ADAMTS19: variants seen among roughly 807,000 people sequenced by gnomAD.
ADAMTS19 encodes the protein A disintegrin and metalloproteinase with thrombospondin motifs 19.
ADAMTS19 carries 93 observed loss-of-function variants against 153.3 expected under a neutral mutation model. The ratio of observed to expected loss-of-function variants is 0.61; its 90% CI spans 0.51 to 0.72. The LOEUF is 0.72. Among genes scored for constraint, ADAMTS19 ranks in the 30% least tolerant of loss-of-function variants. ADAMTS19 has a pLI of 0.00. For synonymous variants in ADAMTS19, 600 were observed against 556.6 expected, an observed-to-expected ratio of 1.08 and a Z score of -1.10; for missense variants, 1,482 against 1,552.1, an observed-to-expected ratio of 0.95 and a Z score of 0.76.
chr5:129,496,926 T>C (rs2126702029), intron 2 of ADAMTS19, among the ~76,000 whole-genome samples: 1 of 152,224 alleles, frequency 6.6e-6, no homozygotes, highest in Admixed American at 6.6e-5. Context: ...ATATGGAACA[T>C]GTAAAATTTT....
At chr5:129,683,082 G>A in intron 17 of ADAMTS19, among the ~76,000 whole-genome samples, 1 of 151,624 alleles carries the variant, frequency 6.6e-6, no homozygotes, top group East Asian at 1.9e-4. Flanking sequence ...GTTTTTTAAT[G>A]TATCATATTA....
At chr5:129,730,226 T>G (rs1344581271) in intron 21 of ADAMTS19, among the ~76,000 whole-genome samples, 1 of 152,072 alleles carries the variant, frequency 6.6e-6, no homozygotes, top group African/African-American at 2.4e-5. Context: ...AGCTGGAAAT[T>G]ATAATAAAGC....
At chr5:129,641,771 T>C (rs1302195464) in intron 10 of ADAMTS19, 88 bp from the exon 11 acceptor site, 4 of 700,848 alleles carry the variant, frequency 5.7e-6, no homozygotes, top group Non-Finnish European at 9.1e-6. Flanking sequence ...TTTGTTATTC[T>C]ATCAAAATAG....
chr5:129,694,833 A>C lies in ADAMTS19; in HGVS notation c.2932A>C (p.Asn978His), dbSNP rs147606691. 14 of 1,592,560 alleles carry C rather than the reference A, an allele frequency of 8.8e-6. No individual in the cohort carries two copies. In the East Asian group the frequency reaches 3.0e-4, roughly 34 times the overall value. Residue 978 changes from asparagine (N) to histidine (H), a missense_variant, in exon 19 of 23, where the codon AAT (asparagine) becomes CAT (histidine). Physicochemically the swap from Asn to His is moderately conservative, Grantham distance 68. This residue lies in a region of ADAMTS19 where 616 missense variants were observed against 724.4 expected (regional missense o/e 0.85). Coordinates refer to ENST00000274487, the MANE Select transcript of ADAMTS19 (RefSeq NM_133638.6). Reference sequence around the variant, plus strand: ...GCCAGAGCCACAGATTCGAAAGTGCAATGAGCAACCATGTCAAACAAGGTA... The same window carrying C: ...GCCAGAGCCACAGATTCGAAAGTGCCATGAGCAACCATGTCAAACAAGGTA... ...TKPEPQIRKC[N>H]EQPCQTRWMM...
At chr5:129,626,051 T>A (rs1240410417) in intron 10 of ADAMTS19, among the ~76,000 whole-genome samples, 3 of 152,158 alleles carry the variant, frequency 2.0e-5, no homozygotes, top group Admixed American at 2.0e-4. Flanking sequence ...TTGATTCTTA[T>A]AACCATTAAA....
rs376102027 is a variant in ADAMTS19, at chr5:129,570,004, A to G, written c.1372+18097A>G. Among the ~76,000 whole-genome samples the G allele has an allele frequency of 1.8e-4, 28 of 152,126 alleles. No individual in the cohort carries two copies. The South Asian group carries it at 5.8e-3, about 31-fold the overall frequency. On this transcript the variant is annotated intron_variant, in intron 7 of 22. Transcript: ENST00000274487. Reference sequence around the variant, plus strand: ...CATAAATCAGTAGGAGAATTCCCCTATTTCTTCGGATAATTCTCCTATTGA... The same window carrying G: ...CATAAATCAGTAGGAGAATTCCCCTGTTTCTTCGGATAATTCTCCTATTGA...
chr5:129,732,001 G>T (rs1388371849), intron 21 of ADAMTS19, among the ~76,000 whole-genome samples: 2 of 151,982 alleles, frequency 1.3e-5, no homozygotes, highest in African/African-American at 2.4e-5. Context: ...TAAAATAACG[G>T]TATTTTCTCA....
chr5:129,604,732 A>AT (rs1364607255), intron 8 of ADAMTS19, among the ~76,000 whole-genome samples: 5 of 152,160 alleles, frequency 3.3e-5, no homozygotes, highest in South Asian at 4.1e-4. Flanking sequence ...AGGGTTTAGA[A>AT]TTTTTTTTGA....
At chr5:129,665,951 TATTA>T (rs1351212575) in intron 16 of ADAMTS19, among the ~76,000 whole-genome samples, 10 of 148,870 alleles carry the variant, frequency 6.7e-5, no homozygotes, top group African/African-American at 2.4e-4. Flanking sequence ...CATATATACA[TATTA>T]ATTGCATTTA....
chr5:129,716,296 T>G (rs1756728507), intron 21 of ADAMTS19, among the ~76,000 whole-genome samples: 1 of 152,086 alleles, frequency 6.6e-6, no homozygotes, highest in African/African-American at 2.4e-5. Context: ...CCTCCTGGGC[T>G]CAAACAATCC....
At chr5:129,710,833 T>C (rs1190498330) in intron 21 of ADAMTS19, among the ~76,000 whole-genome samples, 1 of 152,236 alleles carries the variant, frequency 6.6e-6, no homozygotes, top group East Asian at 1.9e-4. Flanking sequence ...AGTAACTGAC[T>C]AGATAACACT....
At chr5:129,589,333 A>G (rs1399998435) in intron 7 of ADAMTS19, among the ~76,000 whole-genome samples, 1 of 151,504 alleles carries the variant, frequency 6.6e-6, no homozygotes, top group Non-Finnish European at 1.5e-5. Context: ...TCCTTCACTG[A>G]GGGTCTTTTC....
chr5:129,582,890 G>T (rs1749593433), intron 7 of ADAMTS19, among the ~76,000 whole-genome samples: 1 of 151,934 alleles, frequency 6.6e-6, no homozygotes, highest in African/African-American at 2.4e-5. Context: ...CTTTTAATTT[G>T]GGCATTTAGC....
intron 7 of ADAMTS19, among the ~76,000 whole-genome samples, chr5:129,578,410 G>T (rs982238107): frequency 6.9e-6 from 1 of 144,748 alleles, no homozygotes. Flanking sequence ...GTATATGTAC[G>T]TATACGTACA....
chr5:129,546,386 T>TA (rs1162170668), intron 6 of ADAMTS19, among the ~76,000 whole-genome samples: 3 of 148,948 alleles, frequency 2.0e-5, no homozygotes, highest in Admixed American at 1.3e-4. Context: ...TAAAGTATAA[T>TA]AAAAAAAATT....
chr5:129,630,209 G>T (rs1373576111), intron 10 of ADAMTS19, among the ~76,000 whole-genome samples: 2 of 151,956 alleles, frequency 1.3e-5, no homozygotes, highest in Non-Finnish European at 1.5e-5. Flanking sequence ...GGCAGAAACC[G>T]CAATTATGTT....
intron 2 of ADAMTS19, among the ~76,000 whole-genome samples, chr5:129,478,155 C>T (rs186982815): frequency 2.2e-4 from 34 of 152,158 alleles, no homozygotes; most frequent in African/African-American, 5.8e-4. Context: ...AACAGCTGAC[C>T]GGCTTGAACA....
chr5:129,472,437 T>C (rs906071017), intron 2 of ADAMTS19, among the ~76,000 whole-genome samples: 1 of 152,224 alleles, frequency 6.6e-6, no homozygotes, highest in Non-Finnish European at 1.5e-5. Flanking sequence ...ATGGTAAAAT[T>C]AGATACGTCC....
chr5:129,485,871 A>G (rs867687224), intron 2 of ADAMTS19, among the ~76,000 whole-genome samples: 2 of 151,968 alleles, frequency 1.3e-5, no homozygotes, highest in African/African-American at 4.8e-5. Flanking sequence ...GCTCACTGCA[A>G]CCTCCACCTT....
Sources: gnomAD v4.1 joint callset for allele counts (sites outside exome capture counted in the v4.1 genomes callset) on GRCh38, gnomAD v4.1.1 for gene constraint, gnomAD v4.1.1 regional missense constraint, MANE v1.5 for transcripts, NCBI Gene and HGNC (gene_info 2026-07-23, HGNC 2026-07-21) for gene names.